BRD4: variants seen among roughly 807,000 people sequenced by gnomAD.
BRD4 encodes bromodomain-containing protein 4.
BRD4 carries 16 observed loss-of-function variants against 142.1 expected under a neutral mutation model. The ratio of observed to expected loss-of-function variants is 0.11; its 90% CI spans 0.08 to 0.17. The LOEUF is 0.17. Among genes scored for constraint, BRD4 ranks in the 10% least tolerant of loss-of-function variants. BRD4 has a pLI of 1.00. For synonymous variants in BRD4, 833 were observed against 707.5 expected (o/e 1.18, Z -2.82); for missense variants, 1,424 against 1,810.9 (o/e 0.79, Z 3.88).
chr19:15,326,513 CAAAG>C (rs997643709), intron 1 of BRD4, among the ~76,000 whole-genome samples: 1 of 152,006 alleles, frequency 6.6e-6, no homozygotes, highest in Non-Finnish European at 1.5e-5. Flanking sequence ...AAATTAAAAA[CAAAG>C]AACTTCACTA....
intron 1 of BRD4, among the ~76,000 whole-genome samples, chr19:15,288,419 A>T (rs751099045): frequency 3.3e-5 from 5 of 152,236 alleles, no homozygotes; most frequent in Admixed American, 1.3e-4. Context: ...AAATAAAAAT[A>T]AATAGAAGAA....
chr19:15,239,570 GGCA>G lies in BRD4; in HGVS notation c.3446-51_3446-49del. The G allele has an allele frequency of 6.4e-7, 1 of 1,574,316 alleles. No homozygotes were observed. Among genetic ancestry groups the G allele is most frequent in the Non-Finnish European group, 8.6e-7 (1 of 1,164,872 alleles). On this transcript the variant is annotated intron_variant, in intron 16 of 19. Coordinates refer to ENST00000679869, the MANE Select transcript of BRD4 (RefSeq NM_001379291.1). This position sits in a 1 kb window ranked among gnomAD's most constrained non-coding sequence, Gnocchi z 7.4. ...GCCCTGGCCCACCTCACCCCAGTGG[GGCA>G]TGGTCCACCAGCCCCACAGCAAGCT...
intron 1 of BRD4, among the ~76,000 whole-genome samples, chr19:15,292,396 C>T (rs1315848770): frequency 6.6e-6 from 1 of 152,190 alleles, no homozygotes; most frequent in African/African-American, 2.4e-5. Context: ...GCCCTTGGCA[C>T]TAATTTGGAC....
chr19:15,291,827 G>A (rs2145668601), intron 1 of BRD4, among the ~76,000 whole-genome samples: 1 of 152,254 alleles, frequency 6.6e-6, no homozygotes, highest in Non-Finnish European at 1.5e-5. Context: ...AATCCCATAC[G>A]ACTTCAGTGG....
chr19:15,238,639 G>T lies in BRD4; in HGVS notation c.4020+104C>A, dbSNP rs2047212721. 2 of 1,457,332 alleles carry T rather than the reference G, an allele frequency of 1.4e-6. No individual in the cohort carries two copies. Among genetic ancestry groups the T allele is most frequent in the Non-Finnish European group, 1.8e-6 (2 of 1,102,930 alleles). The allele number at this position is 1,457,332 out of a possible 1,614,324, so 90.3% of individuals were successfully genotyped here. On this transcript the variant is annotated intron_variant, in intron 19 of 19. Coordinates refer to ENST00000679869, the MANE Select transcript of BRD4 (RefSeq NM_001379291.1). The surrounding 1 kb of genome is among the most constrained non-coding windows in gnomAD (Gnocchi z 7.2). ...GACCACATGCCGACCAGCAGGGACG[G>T]GGCTCCCCCGCTGCCCCTCCCTGTC...
At chr19:15,322,821 T>TGC (rs2048074363) in intron 1 of BRD4, among the ~76,000 whole-genome samples, 1 of 135,462 alleles carries the variant, frequency 7.4e-6, no homozygotes, top group East Asian at 2.2e-4. Context: ...GAGCTGAGAC[T>TGC]GCGCCACTGC....
chr19:15,256,330 G>A (rs565563397), intron 8 of BRD4, 67 bp from the exon 9 acceptor site: 1 of 1,562,864 alleles, frequency 6.4e-7, no homozygotes, highest in South Asian at 1.2e-5. Context: ...CAAGACCCAG[G>A]CGTCTGCTCC....
At chr19:15,285,212 G>A (rs2047731071) in intron 1 of BRD4, among the ~76,000 whole-genome samples, 1 of 152,282 alleles carries the variant, frequency 6.6e-6, no homozygotes. Flanking sequence ...CCACTTAACT[G>A]GTAAGGAATT....
At position 15,257,032 on chromosome 19, in the gene BRD4, C is replaced by A; in HGVS notation, c.1483G>T (p.Asp495Tyr). 6.3e-7 allele frequency: 1 copy of A among 1,596,532 alleles called. No homozygotes were observed. The highest frequency in any genetic ancestry group is 8.5e-7 in the Non-Finnish European group (1 of 1,173,342). ...GAGTCATCAGTCGAACTGTCACTGT[C>A]CGAGGAGCTATCGCTGCTGCTGTCG... The part of the protein sequence containing the change: ...SSDSSSDSSS[D>Y]SDSSTDDSEE... The change falls in exon 8 of 20, where the codon GAC (aspartate) becomes TAC (tyrosine). Residue 495 changes from aspartate (D) to tyrosine (Y), a missense_variant. Around this residue, in one of 16 missense-constraint regions of BRD4, gnomAD observed 90 missense variants for 93.2 expected, o/e 0.97. Transcript: ENST00000679869.
At chr19:15,299,924 C>T (rs2145685110) in intron 1 of BRD4, among the ~76,000 whole-genome samples, 1 of 152,312 alleles carries the variant, frequency 6.6e-6, no homozygotes, top group Non-Finnish European at 1.5e-5. Flanking sequence ...GAAGAGCTGC[C>T]TCTCCATCTA....
chr19:15,312,010 T>C (rs2047975697), intron 1 of BRD4, among the ~76,000 whole-genome samples: 1 of 152,214 alleles, frequency 6.6e-6, no homozygotes, highest in South Asian at 2.1e-4. Flanking sequence ...CACGACAATA[T>C]GCATATAGTT....
chr19:15,299,840 G>C (rs1166267928), intron 1 of BRD4, among the ~76,000 whole-genome samples: 1 of 152,158 alleles, frequency 6.6e-6, no homozygotes, highest in Admixed American at 6.5e-5. Flanking sequence ...CACCCACCCA[G>C]GCCTGTTAAG....
At chr19:15,287,567 A>T (rs2047749595) in intron 1 of BRD4, among the ~76,000 whole-genome samples, 1 of 151,892 alleles carries the variant, frequency 6.6e-6, no homozygotes, top group African/African-American at 2.4e-5. Context: ...TCACCTTGTA[A>T]AACAAACTCT....
intron 1 of BRD4, among the ~76,000 whole-genome samples, chr19:15,279,622 T>C (rs888319068): frequency 3.9e-5 from 6 of 152,258 alleles, no homozygotes; most frequent in East Asian, 3.9e-4. Context: ...AGGATATAGA[T>C]AGATACAGAC....
At chr19:15,279,759 C>T (rs910661230) in intron 1 of BRD4, among the ~76,000 whole-genome samples, 2 of 152,198 alleles carry the variant, frequency 1.3e-5, no homozygotes, top group African/African-American at 4.8e-5. Flanking sequence ...CATCACAAGT[C>T]ACTGAGAAAA....
chr19:15,308,734 G>A (rs1445362996), intron 1 of BRD4, among the ~76,000 whole-genome samples: 2 of 151,978 alleles, frequency 1.3e-5, no homozygotes, highest in Non-Finnish European at 2.9e-5. Context: ...TAAACATCTG[G>A]GCTGGGCGCG....
At chr19:15,281,128 C>G (rs1358633723) in intron 1 of BRD4, among the ~76,000 whole-genome samples, 1 of 152,228 alleles carries the variant, frequency 6.6e-6, no homozygotes, top group African/African-American at 2.4e-5. Flanking sequence ...TGTCATCAGC[C>G]AGACTGCGCC....
intron 1 of BRD4, among the ~76,000 whole-genome samples, chr19:15,284,357 C>G (rs571855792): frequency 3.3e-5 from 5 of 152,180 alleles, no homozygotes; most frequent in Admixed American, 6.5e-5. Flanking sequence ...CTTCCAAAGA[C>G]CCCAAGTCCC....
chr19:15,280,359 A>T, intron 1 of BRD4: 1 of 1,015,774 alleles, frequency 9.8e-7, no homozygotes, highest in Non-Finnish European at 1.2e-6. Flanking sequence ...TGTACCCATC[A>T]GTGGCCTGCC....
Sources: gnomAD v4.1 joint callset for allele counts (sites outside exome capture counted in the v4.1 genomes callset) on GRCh38, gnomAD v4.1.1 for gene constraint, gnomAD v4.1.1 regional missense constraint, Gnocchi (gnomAD v3.1) non-coding constraint, MANE v1.5 for transcripts, NCBI Gene and HGNC (gene_info 2026-07-23, HGNC 2026-07-21) for gene names.